The following CNTNAP5 variants were observed in gnomAD, a reference collection of about 807,000 sequenced individuals.
The protein encoded by CNTNAP5 is contactin-associated protein-like 5.
CNTNAP5 carries 72 observed loss-of-function variants against 150.2 expected under a neutral mutation model. That is an observed-to-expected ratio of 0.48 (90% CI 0.40 to 0.58). The LOEUF (loss-of-function observed/expected upper bound fraction) is 0.58. CNTNAP5 is among the 20% of genes least tolerant of loss of function. The probability of loss-of-function intolerance (pLI) is 0.00; values close to 1 mark genes in which losing one functional copy is unlikely to be tolerated. For missense variants in CNTNAP5, 1,636 were observed against 1,626.2 expected (o/e 1.01, Z -0.10); for synonymous variants, 672 against 619.8 (o/e 1.08, Z -1.25).
At chr2:124,513,749 G>C (rs1473642686) in intron 8 of CNTNAP5, among the ~76,000 whole-genome samples, 1 of 152,184 alleles carries the variant, frequency 6.6e-6, no homozygotes, top group Non-Finnish European at 1.5e-5. Context: ...GTACTAATTA[G>C]GTAAAGGGCA....
chr2:124,771,337 G>A (rs1220122932), intron 16 of CNTNAP5, among the ~76,000 whole-genome samples: 4 of 152,188 alleles, frequency 2.6e-5, no homozygotes, highest in Non-Finnish European at 1.5e-5. Flanking sequence ...ATTACAATTA[G>A]CCTCTCCATT....
intron 19 of CNTNAP5, among the ~76,000 whole-genome samples, chr2:124,828,258 G>C (rs1215207035): frequency 1.3e-5 from 2 of 152,108 alleles, no homozygotes. Context: ...GAGACGGGCG[G>C]ATCACGAGGT....
Position 124,871,525 on chromosome 2 carries a change from A to G in CNTNAP5, c.3436+1763A>G, listed in dbSNP as rs190628412. 2.0e-5 allele frequency among the ~76,000 whole-genome samples: 3 copies of G among 152,120 alleles called. No homozygotes were observed. In the East Asian group the frequency reaches 5.9e-4, roughly 30 times the overall value. On this transcript the variant is annotated intron_variant, in intron 21 of 23. Coordinates refer to ENST00000682447, the MANE Select transcript of CNTNAP5 (RefSeq NM_001367498.1). ...AATCAGCTGTAGTAGGAGGGTTTAC[A>G]CTGTGGATATCAGAAATGCTAAAAG...
intron 13 of CNTNAP5, among the ~76,000 whole-genome samples, chr2:124,720,824 T>A (rs1332660692): frequency 6.6e-6 from 1 of 152,144 alleles, no homozygotes; most frequent in Non-Finnish European, 1.5e-5. Context: ...TGAAATGGAG[T>A]GCTACATTTC....
intron 1 of CNTNAP5, among the ~76,000 whole-genome samples, chr2:124,214,016 T>A (rs1418865210): frequency 6.6e-6 from 1 of 152,130 alleles, no homozygotes; most frequent in African/African-American, 2.4e-5. Flanking sequence ...TTGTGCAGAG[T>A]CACTTTGACC....
In CNTNAP5 at chr2:124,160,798, T is replaced by C. The variant is rs1463051762; in HGVS notation, c.83-60907T>C. On this transcript the variant is annotated intron_variant, in intron 1 of 23. Coordinates refer to ENST00000682447, the MANE Select transcript of CNTNAP5 (RefSeq NM_001367498.1). ...TTACATTTGTCACTTGGTTGGTTCTTTGGGATTTATAAATAATCATCATTG... is the reference window on the plus strand; with the variant it reads ...TTACATTTGTCACTTGGTTGGTTCTCTGGGATTTATAAATAATCATCATTG... Among the ~76,000 whole-genome samples the C allele has an allele frequency of 3.3e-5, 5 of 152,194 alleles. No individual in the cohort carries two copies. The East Asian group carries it at 9.6e-4, about 29-fold the overall frequency.
Position 124,763,686 on chromosome 2 carries a change from G to T in CNTNAP5, c.2249G>T (p.Gly750Val). 6.2e-7 allele frequency: 1 copy of T among 1,612,242 alleles called. No homozygotes were observed. The highest frequency in any genetic ancestry group is 8.5e-7 in the Non-Finnish European group (1 of 1,179,018). The change falls in exon 15 of 24, where the codon GGC becomes GTC. Residue 750 changes from glycine to valine, a missense_variant. Physicochemically the swap from Gly to Val is moderately radical, Grantham distance 109. Coordinates refer to ENST00000682447, the MANE Select transcript of CNTNAP5 (RefSeq NM_001367498.1). ...ADKDEWTNDT[G>V]FLSFKDHLPV... The stretch of plus-strand genomic sequence containing the variant: ...ATGTTTTGCAGGACAAATGATACTG[G>T]CTTTCTTTCCTTCAAAGACCACTTG...
chr2:124,790,222 T>C, intron 18 of CNTNAP5, 81 bp downstream of exon 18: 1 of 1,350,624 alleles, frequency 7.4e-7, no homozygotes, highest in Non-Finnish European at 1.0e-6. Flanking sequence ...ATACTCACAC[T>C]CTGAGACAGT....
At chr2:124,418,886 G>A (rs1691999224) in intron 4 of CNTNAP5, among the ~76,000 whole-genome samples, 1 of 151,888 alleles carries the variant, frequency 6.6e-6, no homozygotes, top group African/African-American at 2.4e-5. Context: ...TGTAATCCCA[G>A]CACTTTGGGA....
chr2:124,884,013 G>A (rs977942249), intron 21 of CNTNAP5, among the ~76,000 whole-genome samples: 8 of 152,030 alleles, frequency 5.3e-5, no homozygotes, highest in African/African-American at 7.2e-5. Flanking sequence ...GCCCATGCAC[G>A]TGCATATGTG....
At chr2:124,117,537 G>A (rs766474410) in intron 1 of CNTNAP5, among the ~76,000 whole-genome samples, 12 of 152,198 alleles carry the variant, frequency 7.9e-5, no homozygotes, top group Admixed American at 5.2e-4. Context: ...GTTGGGAAAC[G>A]AAGGAAAAGA....
chr2:124,780,303 G>A (rs1320933329), intron 17 of CNTNAP5, among the ~76,000 whole-genome samples: 4 of 152,176 alleles, frequency 2.6e-5, no homozygotes, highest in Non-Finnish European at 5.9e-5. Context: ...TTGGAATAAT[G>A]AGACACTCCT....
At chr2:124,110,471 T>C (rs540259177) in intron 1 of CNTNAP5, among the ~76,000 whole-genome samples, 2 of 152,326 alleles carry the variant, frequency 1.3e-5, no homozygotes, top group African/African-American at 2.4e-5. Context: ...CACATATTCA[T>C]ATTAAAGAGA....
In CNTNAP5 at chr2:124,914,358, C is replaced by CT. The variant is rs1017166347; in HGVS notation, c.*74dup. On this transcript the variant is annotated 3_prime_UTR_variant, in exon 24 of 24. Transcript: ENST00000682447. Reference sequence around the variant, plus strand: ...ATCTCCTCCCCCTCTTCTCTCCTGTCTTTTGATTTGGTCATTCTCTTTATT... The same window carrying CT: ...ATCTCCTCCCCCTCTTCTCTCCTGTCTTTTTGATTTGGTCATTCTCTTTATT... The CT allele has an allele frequency of 7.4e-5, 84 of 1,139,128 alleles. No homozygotes were observed. In the African/African-American group the frequency reaches 1.2e-3, roughly 17 times the overall value. The allele number at this position is 1,139,128 out of a possible 1,614,324, so 70.6% of individuals were successfully genotyped here. A position where few individuals can be genotyped will look rare whatever the true frequency, so the allele number is the denominator to read the frequency against.
chr2:124,046,309 A>G (rs542206794), intron 1 of CNTNAP5, among the ~76,000 whole-genome samples: 1 of 152,322 alleles, frequency 6.6e-6, no homozygotes, highest in South Asian at 2.1e-4. Flanking sequence ...GCACATTGCA[A>G]ACAATCTGGA....
intron 10 of CNTNAP5, among the ~76,000 whole-genome samples, chr2:124,550,327 T>TG (rs200472469): frequency 0.014 from 2,107 of 152,284 alleles, 27 homozygotes; most frequent in Non-Finnish European, 0.022. Flanking sequence ...CAGTGAGGTC[T>TG]GGGAGCCAGC....
intron 1 of CNTNAP5, among the ~76,000 whole-genome samples, chr2:124,029,369 G>A (rs1573701916): frequency 6.6e-6 from 1 of 152,144 alleles, no homozygotes; most frequent in African/African-American, 2.4e-5. Flanking sequence ...AGTAAAGGAA[G>A]CACTCCAATG....
At chr2:124,726,689 T>G (rs532260532) in intron 13 of CNTNAP5, among the ~76,000 whole-genome samples, 1 of 152,178 alleles carries the variant, frequency 6.6e-6, no homozygotes, top group Non-Finnish European at 1.5e-5. Flanking sequence ...ATTTATTTAT[T>G]GCTATTGAGT....
At chr2:124,500,678 AAG>A (rs1694256967) in intron 7 of CNTNAP5, among the ~76,000 whole-genome samples, 1 of 152,160 alleles carries the variant, frequency 6.6e-6, no homozygotes, top group Non-Finnish European at 1.5e-5. Flanking sequence ...AGATCAAGGA[AAG>A]AGTCTTTTGC....
Sources: allele counts gnomAD v4.1 joint callset (sites outside exome capture counted in the v4.1 genomes callset), GRCh38; gene constraint gnomAD v4.1.1; transcripts MANE v1.5; gene names NCBI Gene and HGNC (gene_info 2026-07-23, HGNC 2026-07-21).